The following NEBL variants were observed in gnomAD, a reference collection of about 807,000 sequenced individuals.
NEBL encodes nebulette.
Under a neutral mutation model 140.2 loss-of-function variants are expected in NEBL, and 122 were observed. The observed-to-expected ratio is 0.87, with a 90% CI of 0.75 to 1.01. The LOEUF is 1.01. Among genes scored for constraint, NEBL ranks in the 50% least tolerant of loss-of-function variants. NEBL has a pLI of 0.00. For missense variants in NEBL, 1,365 were observed against 1,231.3 expected, an observed-to-expected ratio of 1.11 and a Z score of -1.62; for synonymous variants, 436 against 398.9, an observed-to-expected ratio of 1.09 and a Z score of -1.11.
At chr10:20,967,174 A>G (rs1351871074) in intron 3 of NEBL, among the ~76,000 whole-genome samples, 3 of 147,622 alleles carry the variant, frequency 2.0e-5, no homozygotes, top group African/African-American at 7.8e-5. Context: ...CGTTGTTTCT[A>G]TTTTCAAAGA....
intron 2 of NEBL, among the ~76,000 whole-genome samples, chr10:21,093,150 C>CATTTTTTTTTTTTT (rs1837000885): frequency 1.1e-5 from 1 of 95,040 alleles, no homozygotes; most frequent in African/African-American, 4.3e-5. Flanking sequence ...AGCAACAAGT[C>CATTTTTTTTTTTTT]TTTTTTTTTT....
At chr10:21,184,285 G>C (rs1841430419) in intron 3 of NEBL, among the ~76,000 whole-genome samples, 1 of 152,320 alleles carries the variant, frequency 6.6e-6, no homozygotes, top group East Asian at 1.9e-4. Context: ...AAAATGTCCT[G>C]TGGCAATCAA....
At chr10:21,207,592 T>C (rs1373869598) in intron 3 of NEBL, among the ~76,000 whole-genome samples, 3 of 152,102 alleles carry the variant, frequency 2.0e-5, no homozygotes, top group Admixed American at 6.6e-5. Flanking sequence ...GACTACATCA[T>C]GGGCTCTCAT....
At chr10:20,974,843 AATTT>A (rs1305952624) in intron 3 of NEBL, among the ~76,000 whole-genome samples, 2 of 152,194 alleles carry the variant, frequency 1.3e-5, no homozygotes, top group East Asian at 3.8e-4. Flanking sequence ...AATTAACGTG[AATTT>A]TCAACAGGAA....
chr10:21,288,768 A>AAAAAGAAAAAG (rs1564556680), intron 1 of NEBL, among the ~76,000 whole-genome samples: 5 of 118,960 alleles, frequency 4.2e-5, no homozygotes, highest in Non-Finnish European at 6.8e-5. Flanking sequence ...GCCAAAAAAA[A>AAAAAGAAAAAG]AAAAAAGAAA....
At chr10:21,067,800 G>A (rs1835635249) in intron 2 of NEBL, among the ~76,000 whole-genome samples, 1 of 151,912 alleles carries the variant, frequency 6.6e-6, no homozygotes, top group Non-Finnish European at 1.5e-5. Flanking sequence ...AACATAATGA[G>A]AACTTGTCTC....
At chr10:21,210,536 C>G (rs1414965992) in intron 3 of NEBL, among the ~76,000 whole-genome samples, 3 of 152,132 alleles carry the variant, frequency 2.0e-5, no homozygotes, top group Non-Finnish European at 4.4e-5. Context: ...AACATTGCTG[C>G]CATTTTTAAG....
At chr10:20,816,253 A>G (rs1188544878) in intron 21 of NEBL, among the ~76,000 whole-genome samples, 3 of 152,234 alleles carry the variant, frequency 2.0e-5, no homozygotes, top group Non-Finnish European at 4.4e-5. Context: ...TACCATCCGT[A>G]AAGCTGTAAT....
At chr10:20,819,126 T>C (rs1000792297) in intron 20 of NEBL, 27 of 942,942 alleles carry the variant, frequency 2.9e-5, no homozygotes, top group Middle Eastern at 4.3e-4. Context: ...GGTGAACTTG[T>C]GTTATGGGAG....
At chr10:20,924,509 G>GA in intron 4 of NEBL, among the ~76,000 whole-genome samples, 1 of 123,346 alleles carries the variant, frequency 8.1e-6, no homozygotes, top group Non-Finnish European at 1.6e-5. Flanking sequence ...GTGCAATACA[G>GA]AGAGTATCTT....
Position 20,812,750 on chromosome 10 carries a change from AC to A in NEBL, c.2518+18del. The stretch of plus-strand genomic sequence containing the variant: ...TCTTTTCGACCACACACACCGGCCG[AC>A]AAACGCCGTCAGCTTACCAACAATG... On this transcript the variant is annotated intron_variant, in intron 24 of 27. Transcript: ENST00000377122. 1 of 1,613,666 alleles carries A rather than the reference AC, an allele frequency of 6.2e-7. No homozygotes were observed.
intron 2 of NEBL, among the ~76,000 whole-genome samples, chr10:20,891,889 A>G (rs1016040194): frequency 1.5e-4 from 23 of 152,200 alleles, no homozygotes; most frequent in African/African-American, 5.5e-4. Context: ...TTAAATACAT[A>G]AGGAATATTT....
At chr10:21,279,643 A>G (rs1346009989) in intron 1 of NEBL, among the ~76,000 whole-genome samples, 1 of 152,022 alleles carries the variant, frequency 6.6e-6, no homozygotes, top group East Asian at 1.9e-4. Flanking sequence ...CTGTAATCCC[A>G]GCTACTCAGG....
At chr10:21,119,289 G>T (rs1021673760) in intron 2 of NEBL, among the ~76,000 whole-genome samples, 1 of 151,842 alleles carries the variant, frequency 6.6e-6, no homozygotes, top group African/African-American at 2.4e-5. Context: ...TTTCAAACCT[G>T]CAGAACAGCT....
intron 2 of NEBL, among the ~76,000 whole-genome samples, chr10:21,025,224 A>C (rs1838977297): frequency 6.6e-6 from 1 of 152,220 alleles, no homozygotes; most frequent in South Asian, 2.1e-4. Context: ...TAATTGTGGA[A>C]ATATGACATG....
At chr10:21,058,538 T>G (rs1835136800) in intron 2 of NEBL, among the ~76,000 whole-genome samples, 2 of 151,912 alleles carry the variant, frequency 1.3e-5, no homozygotes, top group South Asian at 4.2e-4. Context: ...ACAATGACAG[T>G]GTAGATAAAG....
chr10:21,111,196 C>G (rs1015542262), intron 2 of NEBL, among the ~76,000 whole-genome samples: 4 of 152,124 alleles, frequency 2.6e-5, no homozygotes, highest in Admixed American at 2.6e-4. Flanking sequence ...TCAATGCTAT[C>G]CCCAGCAAGC....
At chr10:21,153,970 T>A (rs1452917852) in intron 2 of NEBL, among the ~76,000 whole-genome samples, 3 of 152,188 alleles carry the variant, frequency 2.0e-5, no homozygotes, top group African/African-American at 7.2e-5. Flanking sequence ...GAAAAGTTCA[T>A]AATGAACACA....
At chr10:20,950,631 A>G (rs1237721263) in intron 4 of NEBL, among the ~76,000 whole-genome samples, 1 of 152,230 alleles carries the variant, frequency 6.6e-6, no homozygotes, top group Non-Finnish European at 1.5e-5. Flanking sequence ...ATAAAGGTGT[A>G]TACGTGTCAG....
Sources: allele counts gnomAD v4.1 joint callset (sites outside exome capture counted in the v4.1 genomes callset), GRCh38; gene constraint gnomAD v4.1.1; transcripts MANE v1.5; gene names NCBI Gene and HGNC (gene_info 2026-07-23, HGNC 2026-07-21).